The following SSBP3 variants were observed in gnomAD, a reference collection of about 807,000 sequenced individuals.
SSBP3 encodes the protein single stranded DNA binding protein 3, also known as single-stranded DNA-binding protein 3.
Under a neutral mutation model 69.6 loss-of-function variants are expected in SSBP3, and 5 were observed. The ratio of observed to expected loss-of-function variants is 0.07; its 90% CI spans 0.04 to 0.15. The LOEUF is 0.15. SSBP3 is among the 10% of genes least tolerant of loss of function. SSBP3 has a pLI of 1.00. For missense variants in SSBP3, 312 were observed against 534.0 expected, an observed-to-expected ratio of 0.58 and a Z score of 4.10; for synonymous variants, 196 against 193.4, an observed-to-expected ratio of 1.01 and a Z score of -0.11.
intron 4 of SSBP3, among the ~76,000 whole-genome samples, chr1:54,390,050 C>G (rs1449287017): frequency 1.3e-5 from 2 of 152,110 alleles, no homozygotes; most frequent in Non-Finnish European, 2.9e-5. Flanking sequence ...AAAGCACTTA[C>G]AACAGTGCCT....
chr1:54,283,816 T>C (rs1266123746), intron 4 of SSBP3, among the ~76,000 whole-genome samples: 1 of 152,206 alleles, frequency 6.6e-6, no homozygotes, highest in Non-Finnish European at 1.5e-5. Context: ...GGCCCCTGCC[T>C]TGCCCCTGCC....
chr1:54,234,971 CAAACTT>C (rs1644461237), intron 14 of SSBP3, among the ~76,000 whole-genome samples: 1 of 152,178 alleles, frequency 6.6e-6, no homozygotes, highest in Non-Finnish European at 1.5e-5. Context: ...GGAATATAGT[CAAACTT>C]AAAATCCATT....
At chr1:54,369,087 A>T (rs1356093610) in intron 4 of SSBP3, among the ~76,000 whole-genome samples, 1 of 152,196 alleles carries the variant, frequency 6.6e-6, no homozygotes, top group East Asian at 1.9e-4. Context: ...TTTAAAGAAA[A>T]GCTCTTTCTG....
intron 14 of SSBP3, among the ~76,000 whole-genome samples, chr1:54,233,899 G>A (rs1236185477): frequency 6.6e-6 from 1 of 152,270 alleles, no homozygotes; most frequent in Middle Eastern, 3.2e-3. Flanking sequence ...CGGCTTTGTG[G>A]AATAGAAAGG....
intron 5 of SSBP3, among the ~76,000 whole-genome samples, chr1:54,262,277 G>A (rs1405496345): frequency 6.6e-6 from 1 of 152,204 alleles, no homozygotes; most frequent in Non-Finnish European, 1.5e-5. Flanking sequence ...GGCTTGGAAA[G>A]ATAAAGGCAC....
chr1:54,390,242 T>C (rs547743847), intron 4 of SSBP3, among the ~76,000 whole-genome samples: 2 of 152,302 alleles, frequency 1.3e-5, no homozygotes, highest in East Asian at 3.9e-4. Flanking sequence ...AGAAAACTCA[T>C]TATTACTAAG....
At chr1:54,262,227 G>GT (rs1169195798) in intron 5 of SSBP3, among the ~76,000 whole-genome samples, 1 of 152,210 alleles carries the variant, frequency 6.6e-6, no homozygotes, top group Non-Finnish European at 1.5e-5. Context: ...ACTCCTCGCA[G>GT]TAAGGGATCA....
intron 5 of SSBP3, among the ~76,000 whole-genome samples, chr1:54,273,739 G>A (rs1396003628): frequency 2.6e-5 from 4 of 152,210 alleles, no homozygotes; most frequent in Admixed American, 6.5e-5. Context: ...CTGGCTCCCC[G>A]AGGACACACA....
rs72912123 is a variant in SSBP3, at chr1:54,348,103, C to G, written c.276+53758G>C. ...TTCTGCAAACACCATCCGGAGAGGT[C>G]AGAGTCCCCATATCCATCTGGGGAC... On this transcript the variant is annotated intron_variant, in intron 4 of 17. Coordinates refer to ENST00000610401, the Ensembl canonical transcript of SSBP3. 6.8e-3 allele frequency among the ~76,000 whole-genome samples: 1,027 copies of G among 152,146 alleles called. 20 individuals carry two copies. Among genetic ancestry groups the G allele is most frequent in the African/African-American group, 0.024 (990 of 41,498 alleles).
chr1:54,311,054 T>C (rs578063210), intron 4 of SSBP3, among the ~76,000 whole-genome samples: 9 of 152,306 alleles, frequency 5.9e-5, no homozygotes, highest in Admixed American at 5.9e-4. Context: ...CTTGGGTCTA[T>C]TTCGCGGACC....
intron 4 of SSBP3, among the ~76,000 whole-genome samples, chr1:54,363,514 C>A (rs1166948701): frequency 5.9e-5 from 9 of 152,142 alleles, no homozygotes; most frequent in Admixed American, 1.3e-4. Flanking sequence ...ATTTACCCTT[C>A]ATTTATACTC....
chr1:54,301,123 T>G (rs1645793159), intron 4 of SSBP3, among the ~76,000 whole-genome samples: 1 of 152,156 alleles, frequency 6.6e-6, no homozygotes, highest in South Asian at 2.1e-4. Context: ...TTGGGAAAAC[T>G]GGGGCTCAGA....
chr1:54,363,785 T>C (rs1254322939), intron 4 of SSBP3, among the ~76,000 whole-genome samples: 1 of 152,228 alleles, frequency 6.6e-6, no homozygotes, highest in Non-Finnish European at 1.5e-5. Flanking sequence ...GTATATTGTT[T>C]TGTGGTAGAG....
At chr1:54,251,927 T>A (rs1644837594) in intron 7 of SSBP3, 67 bp from the exon 8 acceptor site, 2 of 1,373,080 alleles carry the variant, frequency 1.5e-6, no homozygotes, top group South Asian at 2.4e-5. Context: ...GACAGGCATC[T>A]ACCTGTCCCA....
At position 54,258,201 on chromosome 1, in the gene SSBP3, C is replaced by T. The variant is rs774162070; in HGVS notation, c.367-52G>A. The T allele has an allele frequency of 3.5e-6, 5 of 1,429,692 alleles. No individual in the cohort carries two copies. The highest frequency in any genetic ancestry group is 1.9e-4 in the Middle Eastern group (1 of 5,374). The allele number at this position is 1,429,692 out of a possible 1,614,324, so 88.6% of individuals were successfully genotyped here. A position where few individuals can be genotyped will look rare whatever the true frequency, so the allele number is the denominator to read the frequency against. On this transcript the variant is annotated intron_variant, in intron 5 of 17. Transcript: ENST00000610401. The surrounding 1 kb of genome is among the most constrained non-coding windows in gnomAD (Gnocchi z 4.5). ...TTATAGATCACAGCACATGGAGAAG[C>T]GCAGAAGCAGCTTAAAAGAACAAAA...
At chr1:54,241,325 G>A (rs1478301862) in intron 12 of SSBP3, 149 bp downstream of exon 12, 1 of 950,256 alleles carries the variant, frequency 1.1e-6, no homozygotes. Context: ...CTGTACAGAT[G>A]ACTGAATATT....
rs556207901 is a variant in SSBP3, at chr1:54,294,172, A to G, written c.277-12645T>C. Among the ~76,000 whole-genome samples the G allele has an allele frequency of 3.9e-4, 21 of 53,468 alleles. 1 individual carries two copies. Among genetic ancestry groups the G allele is most frequent in the South Asian group, 2.0e-3 (2 of 992 alleles). The allele number at this position is 53,468 out of a possible 152,430, so 35.1% of individuals were successfully genotyped here. On this transcript the variant is annotated intron_variant, in intron 4 of 17. Coordinates refer to ENST00000610401, the Ensembl canonical transcript of SSBP3. ...AAAAAAAAAAAAAAAAGAAAGAAAG[A>G]AAGAAAGAAAGAAAGAAAGAAAAGA...
At chr1:54,402,124 C>T (rs569748416) in intron 3 of SSBP3, among the ~76,000 whole-genome samples, 179 bp from the exon 4 acceptor site, 1 of 152,222 alleles carries the variant, frequency 6.6e-6, no homozygotes, top group African/African-American at 2.4e-5. Context: ...TTCTGGCAAG[C>T]CAGCCATTAG....
chr1:54,352,492 C>T (rs548834019), intron 4 of SSBP3, among the ~76,000 whole-genome samples: 3 of 152,298 alleles, frequency 2.0e-5, no homozygotes, highest in South Asian at 2.1e-4. Context: ...TCCTATGAGG[C>T]TTCATCTCAG....
Sources: gnomAD v4.1 joint callset for allele counts (sites outside exome capture counted in the v4.1 genomes callset) on GRCh38, gnomAD v4.1.1 for gene constraint, Gnocchi (gnomAD v3.1) non-coding constraint, MANE v1.5 for transcripts, NCBI Gene and HGNC (gene_info 2026-07-23, HGNC 2026-07-21) for gene names.